The following ACSL6 variants were observed in gnomAD, a reference collection of about 807,000 sequenced individuals.
The protein encoded by ACSL6 is acyl-CoA synthetase long chain family member 6.
ACSL6 carries 47 observed loss-of-function variants against 98.2 expected under a neutral mutation model. The observed-to-expected ratio is 0.48, with a 90% CI of 0.38 to 0.61. ACSL6 has a LOEUF of 0.61. ACSL6 is among the 20% of genes least tolerant of loss of function. The pLI, the probability that ACSL6 is intolerant of heterozygous loss-of-function variation, is 0.00. For missense variants in ACSL6, 761 were observed against 913.4 expected (o/e 0.83, Z 2.15); for synonymous variants, 362 against 336.9 (o/e 1.07, Z -0.82).
At chr5:131,980,566 G>C (rs1218129402) in intron 9 of ACSL6, among the ~76,000 whole-genome samples, 1 of 152,204 alleles carries the variant, frequency 6.6e-6, no homozygotes, top group Non-Finnish European at 1.5e-5. Context: ...CTAAATGACT[G>C]TATATGCCTG....
chr5:131,976,869 A>C (rs1362624721), intron 9 of ACSL6, 148 bp from the exon 10 acceptor site: 4 of 681,278 alleles, frequency 5.9e-6, no homozygotes, highest in Non-Finnish European at 1.1e-5. Context: ...TTACAGGCAG[A>C]TGAATGCTGC....
chr5:131,974,716 G>C (rs775167677), intron 11 of ACSL6, 177 bp downstream of exon 11: 1 of 1,579,102 alleles, frequency 6.3e-7, no homozygotes, highest in African/African-American at 1.3e-5. Flanking sequence ...AGGGTTATGG[G>C]TTCTAGGCAC....
chr5:131,973,596 A>G, intron 11 of ACSL6, 196 bp from the exon 12 acceptor site: 1 of 473,724 alleles, frequency 2.1e-6, no homozygotes, highest in Non-Finnish European at 3.7e-6. Context: ...AGTCCCACTC[A>G]GGCACAGGGA....
intron 10 of ACSL6, chr5:131,975,516 A>G (rs562619551): frequency 4.3e-5 from 42 of 985,358 alleles, no homozygotes; most frequent in Non-Finnish European, 4.9e-5. Flanking sequence ...TCCTAAGTCT[A>G]TGCAACTGTG....
At chr5:131,994,333 T>A in intron 1 of ACSL6, 82 bp from the exon 2 acceptor site, 1 of 1,214,840 alleles carries the variant, frequency 8.2e-7, no homozygotes, top group Non-Finnish European at 1.2e-6. Context: ...ACCTGATATC[T>A]GGTCTGAAAC....
intron 1 of ACSL6, among the ~76,000 whole-genome samples, chr5:131,998,765 C>G (rs1417073780): frequency 6.6e-6 from 1 of 152,210 alleles, no homozygotes; most frequent in Admixed American, 6.5e-5. Flanking sequence ...CTAACAGGTG[C>G]TTGCCCTGTT....
rs748575508 is a variant in ACSL6 at position 131,973,338 on chromosome 5, T to C, written c.1131A>G (p.Ser377=). 1 of 1,614,158 alleles carries C rather than the reference T, an allele frequency of 6.2e-7. No homozygotes were observed. The highest frequency in any genetic ancestry group is 1.1e-5 in the South Asian group (1 of 91,084). Residue 377 remains serine, a synonymous_variant, in exon 12 of 21, where the codon TCA becomes TCG. Transcript: ENST00000651883. ...GFFQGDIRLL[S]DDMKALCPTI... ...TGGGGCATAGAGCCTTCATGTCATCTGAGAGAAGGCGGATATCTCCCTGGA... is the reference window on the plus strand; with the variant it reads ...TGGGGCATAGAGCCTTCATGTCATCCGAGAGAAGGCGGATATCTCCCTGGA...
Position 131,968,046 on chromosome 5 carries a change from G to A in ACSL6, c.1508-18C>T. 6.2e-7 allele frequency: 1 copy of A among 1,609,524 alleles called. No homozygotes were observed. The highest frequency in any genetic ancestry group is 8.5e-7 in the Non-Finnish European group (1 of 1,176,326). The stretch of plus-strand genomic sequence containing the variant: ...TACGTGCCCTGGAACACCGGAGCAA[G>A]ATGGCATTTGTTAGTGTTCAGATCT... On this transcript the variant is annotated intron_variant, in intron 15 of 20. Coordinates refer to ENST00000651883, the MANE Select transcript of ACSL6 (RefSeq NM_001009185.3).
chr5:131,995,578 G>A (rs1174765166), intron 1 of ACSL6, among the ~76,000 whole-genome samples: 1 of 152,208 alleles, frequency 6.6e-6, no homozygotes, highest in South Asian at 2.1e-4. Flanking sequence ...GAATGCAACA[G>A]TGGCTACTCT....
At position 131,970,219 on chromosome 5, in the gene ACSL6, A is replaced by T; in HGVS notation, c.1435-19T>A. ...CATAAACCTTCAAACAAAACACAGA[A>T]GCCACACTATGGGCACACACCCTCC... On this transcript the variant is annotated intron_variant, in intron 14 of 20. Transcript: ENST00000651883. The T allele has an allele frequency of 6.2e-7, 1 of 1,613,280 alleles. No individual in the cohort carries two copies. Among genetic ancestry groups the T allele is most frequent in the Non-Finnish European group, 8.5e-7 (1 of 1,179,400 alleles).
intron 17 of ACSL6, 133 bp from the exon 18 acceptor site, chr5:131,962,811 C>A (rs1752783060): frequency 9.5e-7 from 1 of 1,057,796 alleles, no homozygotes. Flanking sequence ...TCTGTTGTGT[C>A]TGCTCTTAGG....
chr5:131,989,583 CTTTTTTTTTTT>C (rs57391438), intron 4 of ACSL6, 75 bp from the exon 5 acceptor site: 215 of 180,608 alleles, frequency 1.2e-3, no homozygotes, highest in Middle Eastern at 4.2e-3. Context: ...AGGAGGAATT[CTTTTTTTTTTT>C]TTTTTTTTTT....
chr5:131,990,855 G>C lies in ACSL6; in HGVS notation c.383C>G (p.Ser128Ter). The stretch of plus-strand genomic sequence containing the variant: ...CCCCCCCCCACAACCCTTCTCACCT[G>C]AGATGCTAAGCCCACGGCGGAACAC... ...YQVFRRGLSI[S>*]GNGPCLGFRK... The change falls in exon 3 of 21, where the codon TCA (serine) becomes TGA (stop). Residue 128 changes from serine (S) to a stop codon, truncating the protein, a stop_gained and splice_region_variant. Coordinates refer to ENST00000651883, the MANE Select transcript of ACSL6 (RefSeq NM_001009185.3). LOFTEE classifies it high-confidence loss of function. 1 of 1,611,390 alleles carries C rather than the reference G, an allele frequency of 6.2e-7. No individual in the cohort carries two copies. The highest frequency in any genetic ancestry group is 8.5e-7 in the Non-Finnish European group (1 of 1,178,794).
chr5:131,996,664 T>C (rs1333524840), intron 1 of ACSL6, among the ~76,000 whole-genome samples: 1 of 152,188 alleles, frequency 6.6e-6, no homozygotes, highest in Non-Finnish European at 1.5e-5. Flanking sequence ...GCTTTGCATA[T>C]TGTGGCATTC....
intron 9 of ACSL6, chr5:131,983,143 C>A (rs1753991686): frequency 6.6e-6 from 1 of 152,186 alleles, no homozygotes; most frequent in South Asian, 2.1e-4. Context: ...TCAAGAGACC[C>A]AATTTCCCAA....
In ACSL6 at chr5:131,994,197, A is replaced by G; in HGVS notation, c.104T>C (p.Leu35Pro). The G allele has an allele frequency of 6.2e-7, 1 of 1,614,164 alleles. No individual in the cohort carries two copies. The highest frequency in any genetic ancestry group is 1.7e-4 in the Middle Eastern group (1 of 6,060). ...CAAGTCACCTAGCTCAGGCAGTCGCAGTATCCTCAGGATCTCCTGTGTCTG... is the reference window on the plus strand; with the variant it reads ...CAAGTCACCTAGCTCAGGCAGTCGCGGTATCCTCAGGATCTCCTGTGTCTG... Reference protein sequence around the residue: ...KMQTQEILRILRLPELGDLGQ... With the variant: ...KMQTQEILRIPRLPELGDLGQ... The change falls in exon 2 of 21, where the codon CTG becomes CCG. Residue 35 changes from leucine to proline, a missense_variant. By Grantham distance (98) the Leu-to-Pro change is moderately conservative. Transcript: ENST00000651883.
chr5:131,981,018 A>C (rs1753859469), intron 9 of ACSL6, among the ~76,000 whole-genome samples: 1 of 152,082 alleles, frequency 6.6e-6, no homozygotes, highest in African/African-American at 2.4e-5. Flanking sequence ...TCCACAAAGG[A>C]GGCAGAAGCC....
chr5:131,961,610 T>C (rs1752716324), intron 18 of ACSL6, among the ~76,000 whole-genome samples: 4 of 151,764 alleles, frequency 2.6e-5, no homozygotes. Context: ...GGCAAGGGAA[T>C]CACTTGAACC....
chr5:132,005,438 C>T (rs1316048754), intron 1 of ACSL6, among the ~76,000 whole-genome samples: 1 of 152,250 alleles, frequency 6.6e-6, no homozygotes, highest in Non-Finnish European at 1.5e-5. Flanking sequence ...GGCCTAAAGG[C>T]CTTAAGGCCT....
Sources: allele counts gnomAD v4.1 joint callset (sites outside exome capture counted in the v4.1 genomes callset), GRCh38; gene constraint gnomAD v4.1.1; transcripts MANE v1.5; gene names NCBI Gene and HGNC (gene_info 2026-07-23, HGNC 2026-07-21).